The following STXBP5L variants were observed in gnomAD, a reference collection of about 807,000 sequenced individuals.
STXBP5L encodes syntaxin binding protein 5L, also known as syntaxin-binding protein 5-like.
Under a neutral mutation model 144.5 loss-of-function variants are expected in STXBP5L, and 65 were observed. The ratio of observed to expected loss-of-function variants is 0.45; its 90% confidence interval spans 0.37 to 0.55. STXBP5L has a LOEUF of 0.55. STXBP5L is among the 20% of genes least tolerant of loss of function. The probability of loss-of-function intolerance (pLI) is 0.00; values close to 1 mark genes in which losing one functional copy is unlikely to be tolerated. For synonymous variants in STXBP5L, 505 were observed against 469.6 expected, an observed-to-expected ratio of 1.08 and a Z score of -0.97; for missense variants, 1,298 against 1,405.5, an observed-to-expected ratio of 0.92 and a Z score of 1.22.
chr3:121,057,891 A>G (rs567328336), intron 5 of STXBP5L, among the ~76,000 whole-genome samples: 6 of 152,136 alleles, frequency 3.9e-5, no homozygotes, highest in African/African-American at 7.2e-5. Flanking sequence ...AATACATACT[A>G]TAGCCTGACT....
At chr3:121,367,151 C>T (rs994010807) in intron 20 of STXBP5L, among the ~76,000 whole-genome samples, 3 of 152,076 alleles carry the variant, frequency 2.0e-5, no homozygotes, top group African/African-American at 7.2e-5. Context: ...TTATGTAGAA[C>T]CCAAAAGGTG....
intron 5 of STXBP5L, among the ~76,000 whole-genome samples, chr3:121,052,931 A>G (rs553629873): frequency 5.5e-4 from 84 of 152,332 alleles, no homozygotes; most frequent in Middle Eastern, 3.4e-3. Flanking sequence ...CAAAAATCAC[A>G]AGCATTCTTA....
At chr3:121,137,548 C>A (rs186724420) in intron 7 of STXBP5L, among the ~76,000 whole-genome samples, 1 of 152,182 alleles carries the variant, frequency 6.6e-6, no homozygotes, top group Non-Finnish European at 1.5e-5. Context: ...AATACTCAAC[C>A]AAATTCAACA....
chr3:120,989,023 C>A (rs989294714), intron 3 of STXBP5L, among the ~76,000 whole-genome samples: 4 of 152,038 alleles, frequency 2.6e-5, no homozygotes, highest in Non-Finnish European at 2.9e-5. Flanking sequence ...GAATAATATT[C>A]CATGGAATAT....
At chr3:121,273,389 T>C (rs1003490855) in intron 18 of STXBP5L, among the ~76,000 whole-genome samples, 1 of 152,140 alleles carries the variant, frequency 6.6e-6, no homozygotes, top group Non-Finnish European at 1.5e-5. Context: ...TTAGCACTAT[T>C]ACTGTTCCCT....
intron 11 of STXBP5L, among the ~76,000 whole-genome samples, chr3:121,225,463 A>T (rs766665840): frequency 3.9e-5 from 6 of 152,120 alleles, no homozygotes; most frequent in Non-Finnish European, 8.8e-5. Context: ...AGAAGGAAAT[A>T]TGGACCTGGC....
intron 3 of STXBP5L, among the ~76,000 whole-genome samples, chr3:121,022,572 G>A (rs1945639041): frequency 1.3e-5 from 2 of 152,162 alleles, no homozygotes; most frequent in South Asian, 4.1e-4. Flanking sequence ...TGATCAAGTG[G>A]GTTTCATACC....
Position 121,100,794 on chromosome 3 carries a change from G to A in STXBP5L, c.471-14131G>A, listed in dbSNP as rs767590039. On this transcript the variant is annotated intron_variant, in intron 5 of 26. Transcript: ENST00000471454. ...GACCCCAAAATCCACACAATATATC[G>A]ACAAAAAAAAAAAGTTGGTTCTTTG... 9.6e-5 allele frequency among the ~76,000 whole-genome samples: 14 copies of A among 146,552 alleles called. 1 individual carries two copies. The South Asian group carries it at 1.1e-3, about 11-fold the overall frequency.
At chr3:121,096,495 A>G (rs1375481295) in intron 5 of STXBP5L, among the ~76,000 whole-genome samples, 1 of 152,044 alleles carries the variant, frequency 6.6e-6, no homozygotes, top group Non-Finnish European at 1.5e-5. Context: ...TCATGGATTT[A>G]TCTACTTTTG....
chr3:121,260,520 T>C (rs746251039), intron 18 of STXBP5L, among the ~76,000 whole-genome samples: 14 of 152,074 alleles, frequency 9.2e-5, no homozygotes, highest in Non-Finnish European at 2.1e-4. Context: ...AATTATGTTC[T>C]CTCTAATATG....
intron 20 of STXBP5L, among the ~76,000 whole-genome samples, chr3:121,352,205 T>G (rs1312314324): frequency 1.3e-5 from 2 of 152,150 alleles, no homozygotes; most frequent in Non-Finnish European, 2.9e-5. Flanking sequence ...AAGTATTTTT[T>G]TCCAATTCTG....
At chr3:121,313,885 C>A (rs1019785952) in intron 19 of STXBP5L, among the ~76,000 whole-genome samples, 1 of 142,042 alleles carries the variant, frequency 7.0e-6, no homozygotes, top group Non-Finnish European at 1.5e-5. Flanking sequence ...TCAGACGGAG[C>A]GGCCGGGCAG....
intron 5 of STXBP5L, among the ~76,000 whole-genome samples, chr3:121,046,845 T>G (rs928485501): frequency 6.6e-6 from 1 of 152,104 alleles, no homozygotes; most frequent in Non-Finnish European, 1.5e-5. Context: ...TTTTTGCCTC[T>G]TAGTTTCCTT....
intron 9 of STXBP5L, among the ~76,000 whole-genome samples, chr3:121,196,919 G>A (rs1038553281): frequency 3.9e-5 from 6 of 152,234 alleles, no homozygotes; most frequent in South Asian, 2.1e-4. Context: ...CTGGACTCAA[G>A]CAATCTTTCC....
At chr3:121,342,011 A>G (rs2044731691) in intron 20 of STXBP5L, among the ~76,000 whole-genome samples, 1 of 152,142 alleles carries the variant, frequency 6.6e-6, no homozygotes. Flanking sequence ...TTGTAACACA[A>G]AGGAAGGGTA....
chr3:121,204,379 G>T (rs2108225806), intron 9 of STXBP5L, among the ~76,000 whole-genome samples: 1 of 152,208 alleles, frequency 6.6e-6, no homozygotes, highest in South Asian at 2.1e-4. Flanking sequence ...AATGATTATG[G>T]TCAATTTTTT....
rs188188309 is a variant in STXBP5L at position 121,214,674 on chromosome 3, T to C, written c.957-8329T>C. Among the ~76,000 whole-genome samples the C allele has an allele frequency of 5.3e-5, 8 of 152,336 alleles. 1 individual carries two copies. The East Asian group carries it at 7.7e-4, about 15-fold the overall frequency. ...TCATTGTGGCACTGAGAAGAATGTA[T>C]ATTCTGTTGATTTGTGGTGCAGAGT... is the stretch of plus-strand genomic sequence containing the variant. On this transcript the variant is annotated intron_variant, in intron 10 of 26. Coordinates refer to ENST00000471454, the MANE Select transcript of STXBP5L (RefSeq NM_001308330.2).
chr3:121,320,812 T>C (rs886918337), intron 20 of STXBP5L, among the ~76,000 whole-genome samples: 1 of 151,888 alleles, frequency 6.6e-6, no homozygotes, highest in East Asian at 1.9e-4. Flanking sequence ...AGGATTCTCC[T>C]GCCTCAGCCT....
chr3:121,284,576 G>A (rs2051168071), intron 19 of STXBP5L, among the ~76,000 whole-genome samples: 1 of 151,990 alleles, frequency 6.6e-6, no homozygotes, highest in African/African-American at 2.4e-5. Context: ...TATATTCCCT[G>A]CATCTAGCAC....
Sources: allele counts gnomAD v4.1 joint callset (sites outside exome capture counted in the v4.1 genomes callset), GRCh38; gene constraint gnomAD v4.1.1; transcripts MANE v1.5; gene names NCBI Gene and HGNC (gene_info 2026-07-23, HGNC 2026-07-21).